The following TNKS2 variants were observed in gnomAD, a reference collection of about 807,000 sequenced individuals.
TNKS2 encodes poly [ADP-ribose] polymerase tankyrase-2.
Under a neutral mutation model 137.6 loss-of-function variants are expected in TNKS2, and 72 were observed. The observed-to-expected ratio is 0.52, with a 90% CI of 0.43 to 0.64. The LOEUF is 0.64. TNKS2 is among the 30% of genes least tolerant of loss of function. The pLI, the probability that TNKS2 is intolerant of heterozygous loss-of-function variation, is 0.00. For missense variants in TNKS2, 1,049 were observed against 1,410.2 expected, an observed-to-expected ratio of 0.74 and a Z score of 4.10; for synonymous variants, 516 against 512.1, an observed-to-expected ratio of 1.01 and a Z score of -0.10.
At chr10:91,799,338 T>C (rs1844081846) in intron 1 of TNKS2, among the ~76,000 whole-genome samples, 1 of 152,200 alleles carries the variant, frequency 6.6e-6, no homozygotes, top group African/African-American at 2.4e-5. Context: ...AATACAAGGA[T>C]GTAATTTAGG....
intron 1 of TNKS2, among the ~76,000 whole-genome samples, chr10:91,804,965 T>C (rs1844278644): frequency 6.6e-6 from 1 of 152,190 alleles, no homozygotes; most frequent in Non-Finnish European, 1.5e-5. Flanking sequence ...GGTTTCACCA[T>C]GTTGGCTATG....
chr10:91,833,744 C>A (rs1042257327), intron 11 of TNKS2, 109 bp from the exon 12 acceptor site: 3 of 814,196 alleles, frequency 3.7e-6, no homozygotes, highest in African/African-American at 3.5e-5. Flanking sequence ...GGATAATAGG[C>A]CTCATAAAAG....
At position 91,813,059 on chromosome 10, in the gene TNKS2, T is replaced by C. The variant is rs369816721; in HGVS notation, c.276T>C (p.Leu92=). Residue 92 remains leucine (L), a synonymous_variant, in exon 2 of 27, where the codon CTT becomes CTC. Transcript: ENST00000371627. ...TCCAAGCACGTGATGATGGGGGCCT[T>C]ATTCCTCTTCATAATGCATGCTCTT... ...ANVQARDDGG[L]IPLHNACSFG... The C allele has an allele frequency of 3.1e-6, 5 of 1,614,096 alleles. No individual in the cohort carries two copies. The African/African-American group carries it at 6.7e-5, about 22-fold the overall frequency.
intron 6 of TNKS2, among the ~76,000 whole-genome samples, chr10:91,820,404 A>T (rs755563989): frequency 6.6e-6 from 1 of 152,242 alleles, no homozygotes; most frequent in Non-Finnish European, 1.5e-5. Flanking sequence ...TGTAAAGTCA[A>T]GTCTCAATTC....
chr10:91,820,539 C>T (rs917069607), intron 6 of TNKS2, among the ~76,000 whole-genome samples: 2 of 152,184 alleles, frequency 1.3e-5, no homozygotes, highest in African/African-American at 4.8e-5. Flanking sequence ...GCAGATGATT[C>T]ACACAGGAGA....
chr10:91,855,496 A>C (rs1050259038), intron 22 of TNKS2, 118 bp from the exon 23 acceptor site: 16 of 868,442 alleles, frequency 1.8e-5, no homozygotes, highest in East Asian at 2.8e-5. Context: ...TAACAAAAAT[A>C]TTAAAACCTG....
At chr10:91,813,284 C>G in intron 2 of TNKS2, 77 bp downstream of exon 2, 1 of 1,197,436 alleles carries the variant, frequency 8.4e-7, no homozygotes. Flanking sequence ...CTGTTCATAT[C>G]ATCAAATTAT....
rs563260902 is a variant in TNKS2 at position 91,799,346 on chromosome 10, A to G, written c.199+457A>G. Among the ~76,000 whole-genome samples, 6 of 152,332 alleles carry G rather than the reference A, an allele frequency of 3.9e-5. No individual in the cohort carries two copies. The South Asian group carries it at 1.2e-3, about 32-fold the overall frequency. On this transcript the variant is annotated intron_variant, in intron 1 of 26. Coordinates refer to ENST00000371627, the MANE Select transcript of TNKS2 (RefSeq NM_025235.4). ...TTTGTAAAATACAAGGATGTAATTT[A>G]GGAGGAGTAGCTTAATAGGACGTTG...
rs1212377423 is a variant in TNKS2 at position 91,822,314 on chromosome 10, C to G, written c.747C>G (p.His249Gln). ...AKDKGDLVPL[H>Q]NACSYGHYEV... ...ATTGTAGTGATCTGGTACCATTACA[C>G]AATGCCTGTTCTTATGGTCATTATG... The change falls in exon 7 of 27, where the codon CAC becomes CAG. Residue 249 changes from histidine (H) to glutamine (Q), a missense_variant. This residue lies in a region of TNKS2 where 374 missense variants were observed against 460.8 expected (regional missense o/e 0.81). Coordinates refer to ENST00000371627, the MANE Select transcript of TNKS2 (RefSeq NM_025235.4). The G allele has an allele frequency of 6.2e-7, 1 of 1,613,360 alleles. No individual in the cohort carries two copies. The highest frequency in any genetic ancestry group is 1.3e-5 in the African/African-American group (1 of 74,898).
At position 91,798,879 on chromosome 10, in the gene TNKS2, C is replaced by G; in HGVS notation, c.189C>G (p.His63Gln). The change falls in exon 1 of 27, where the codon CAC (histidine) becomes CAG (glutamine). Residue 63 changes from histidine (H) to glutamine (Q), a missense_variant. By Grantham distance (24) the His-to-Gln change is conservative. This residue lies in a region of TNKS2 where 374 missense variants were observed against 460.8 expected (regional missense o/e 0.81). Transcript: ENST00000371627. The part of the protein sequence containing the change: ...DTAGRKSTPL[H>Q]FAAGFGRKDV... ...CGGGCAGGAAATCCACCCCGCTGCA[C>G]TTCGCCGCAGGTAACCGGGGCCAGC... is the stretch of plus-strand genomic sequence containing the variant. 7.3e-7 allele frequency: 1 copy of G among 1,375,952 alleles called. No individual in the cohort carries two copies. The highest frequency in any genetic ancestry group is 9.5e-7 in the Non-Finnish European group (1 of 1,056,244). The allele number at this position is 1,375,952 out of a possible 1,614,324, so 85.2% of individuals were successfully genotyped here. A position where few individuals can be genotyped will look rare whatever the true frequency, so the allele number is the denominator to read the frequency against.
chr10:91,804,689 A>C (rs977444144), intron 1 of TNKS2, among the ~76,000 whole-genome samples: 3 of 152,200 alleles, frequency 2.0e-5, no homozygotes, highest in African/African-American at 7.2e-5. Context: ...ACTTTGAACT[A>C]TTCTTGAGAC....
rs889102512 is a variant in TNKS2 at position 91,836,000 on chromosome 10, C to T, written c.1448-919C>T. On this transcript the variant is annotated intron_variant, in intron 12 of 26. Transcript: ENST00000371627. ...CAAAGTACTCCTTTCATAAGAATACCGTGTGTGTGTGTGTGTGTGTGTGTG... is the reference window on the plus strand; with the variant it reads ...CAAAGTACTCCTTTCATAAGAATACTGTGTGTGTGTGTGTGTGTGTGTGTG... 5.3e-5 allele frequency among the ~76,000 whole-genome samples: 6 copies of T among 113,062 alleles called. No homozygotes were observed. In the South Asian group the frequency reaches 8.9e-4, roughly 17 times the overall value. 74.2% of individuals were successfully genotyped at this position (113,062 alleles called of 152,430 possible). A position where few individuals can be genotyped will look rare whatever the true frequency, so the allele number is the denominator to read the frequency against.
At chr10:91,831,075 ACTGT>A (rs771042415) in intron 10 of TNKS2, 24 bp from the exon 11 acceptor site, 12 of 1,612,970 alleles carry the variant, frequency 7.4e-6, no homozygotes, top group Admixed American at 1.7e-5. Flanking sequence ...AAATATATTC[ACTGT>A]CTGGCTGATT....
chr10:91,807,790 C>T (rs113611180), intron 1 of TNKS2, among the ~76,000 whole-genome samples: 5 of 152,016 alleles, frequency 3.3e-5, no homozygotes, highest in Non-Finnish European at 4.4e-5. Flanking sequence ...GTCAGGAGAT[C>T]GAGACCATCC....
intron 14 of TNKS2, 37 bp from the exon 15 acceptor site, chr10:91,841,246 T>C (rs1308652680): frequency 1.4e-6 from 2 of 1,460,574 alleles, no homozygotes; most frequent in Non-Finnish European, 1.8e-6. Flanking sequence ...TAAAACATGT[T>C]CTTCTGTGGC....
chr10:91,864,047 T>G lies in TNKS2; in HGVS notation c.*1048T>G, dbSNP rs1259024936. On this transcript the variant is annotated 3_prime_UTR_variant, in exon 27 of 27. Transcript: ENST00000371627. ...ATCCTAAGTATATTTTTTCCTGTTC[T>G]TTTTACTTGGTTTTATTGCTGTATT... The G allele has an allele frequency of 6.6e-6, 1 of 152,176 alleles. No individual in the cohort carries two copies. The highest frequency in any genetic ancestry group is 1.5e-5 in the Non-Finnish European group (1 of 68,018). The allele number at this position is 152,176 out of a possible 1,614,324, so 9.4% of individuals were successfully genotyped here.
At chr10:91,837,719 G>A (rs1468665707) in intron 13 of TNKS2, among the ~76,000 whole-genome samples, 1 of 152,234 alleles carries the variant, frequency 6.6e-6, no homozygotes, top group Non-Finnish European at 1.5e-5. Context: ...AATTAGCTGG[G>A]CGTAGTGGGA....
intron 21 of TNKS2, among the ~76,000 whole-genome samples, chr10:91,854,261 A>G (rs1842639239): frequency 6.6e-6 from 1 of 152,238 alleles, no homozygotes; most frequent in African/African-American, 2.4e-5. Flanking sequence ...TAGTAAAGAA[A>G]GTAATTTGAA....
intron 11 of TNKS2, 35 bp from the exon 12 acceptor site, chr10:91,833,818 T>C (rs1841900021): frequency 3.3e-6 from 5 of 1,513,846 alleles, no homozygotes; most frequent in Non-Finnish European, 4.4e-6. Flanking sequence ...AATTTTGCAT[T>C]GCGGGCTAAT....
Sources: gnomAD v4.1 joint callset for allele counts (sites outside exome capture counted in the v4.1 genomes callset) on GRCh38, gnomAD v4.1.1 for gene constraint, gnomAD v4.1.1 regional missense constraint, MANE v1.5 for transcripts, NCBI Gene and HGNC (gene_info 2026-07-23, HGNC 2026-07-21) for gene names.